The following SLC2A9 variants were observed in gnomAD, a reference collection of about 807,000 sequenced individuals.
SLC2A9 encodes the protein solute carrier family 2, facilitated glucose transporter member 9.
SLC2A9 carries 39 observed loss-of-function variants against 50.6 expected under a neutral mutation model. The ratio of observed to expected loss-of-function variants is 0.77; its 90% CI spans 0.60 to 1.01. The LOEUF (loss-of-function observed/expected upper bound fraction) is 1.01, where lower values mean the gene tolerates loss of function less well. SLC2A9 is among the 50% of genes least tolerant of loss of function. The pLI, the probability that SLC2A9 is intolerant of heterozygous loss-of-function variation, is 0.00. For missense variants in SLC2A9, 686 were observed against 677.6 expected, an observed-to-expected ratio of 1.01 and a Z score of -0.14; for synonymous variants, 324 against 276.9, an observed-to-expected ratio of 1.17 and a Z score of -1.69.
intron 5 of SLC2A9, among the ~76,000 whole-genome samples, chr4:9,946,686 C>T (rs1049146343): frequency 2.0e-5 from 3 of 152,220 alleles, no homozygotes; most frequent in Non-Finnish European, 2.9e-5. Context: ...GTGGGCTCCA[C>T]GTGCCCAGCT....
At chr4:9,781,589 C>A (rs886206991) in intron 3 of SLC2A9, 10 of 149,662 alleles carry the variant, frequency 6.7e-5, no homozygotes, top group African/African-American at 2.5e-4. Context: ...GCTCGGGGGG[C>A]GGGACGCGGG....
At chr4:9,852,054 T>C (rs1730014780) in intron 10 of SLC2A9, among the ~76,000 whole-genome samples, 1 of 152,162 alleles carries the variant, frequency 6.6e-6, no homozygotes, top group Non-Finnish European at 1.5e-5. Flanking sequence ...CCCTGTGAGA[T>C]ACTATATAAG....
At chr4:9,991,929 T>C (rs758955565) in intron 3 of SLC2A9, among the ~76,000 whole-genome samples, 6 of 152,264 alleles carry the variant, frequency 3.9e-5, no homozygotes, top group Non-Finnish European at 8.8e-5. Flanking sequence ...GGCTAACCAA[T>C]GCATGCTTGC....
chr4:9,797,147 C>A (rs1720690315), downstream of SLC2A9, among the ~76,000 whole-genome samples: 1 of 152,192 alleles, frequency 6.6e-6, no homozygotes. Context: ...AGCAGCTCTG[C>A]TCTCTGCTCT....
chr4:9,880,385 T>C, intron 10 of SLC2A9: 2 of 985,204 alleles, frequency 2.0e-6, no homozygotes, highest in Non-Finnish European at 2.4e-6. Context: ...GATTGGGAGG[T>C]GCAGGTGGCC....
rs970173138 is a variant in SLC2A9, at chr4:9,876,098, T to C, written c.1291+11469A>G. Among the ~76,000 whole-genome samples the C allele has an allele frequency of 8.5e-5, 13 of 152,350 alleles. No individual in the cohort carries two copies. The East Asian group carries it at 1.9e-3, about 23-fold the overall frequency. Reference sequence around the variant, plus strand: ...TGGCAAGAAGTCTTAAATATCACAATGGTTTGCAGAGCTGCAAAAGCTTAG... The same window carrying C: ...TGGCAAGAAGTCTTAAATATCACAACGGTTTGCAGAGCTGCAAAAGCTTAG... On this transcript the variant is annotated intron_variant, in intron 10 of 11. Transcript: ENST00000264784.
intron 6 of SLC2A9, among the ~76,000 whole-genome samples, chr4:9,927,401 C>T (rs1458951330): frequency 6.6e-6 from 1 of 152,226 alleles, no homozygotes; most frequent in African/African-American, 2.4e-5. Context: ...TCACCTCCTG[C>T]TAGAGCAAAG....
At chr4:9,778,122 G>A (rs574492175), downstream of SLC2A9, among the ~76,000 whole-genome samples, 41 of 122,878 alleles carry the variant, frequency 3.3e-4, no homozygotes, top group South Asian at 1.9e-3. Context: ...CCTTCTCCCC[G>A]CCTCCCCCGA....
At chr4:9,999,463 G>A (rs1172733820) in intron 2 of SLC2A9, among the ~76,000 whole-genome samples, 1 of 152,114 alleles carries the variant, frequency 6.6e-6, no homozygotes, top group African/African-American at 2.4e-5. Flanking sequence ...CATAATACAT[G>A]CTGCCATTTA....
rs4697907 is a variant in SLC2A9 at position 9,888,274 on chromosome 4, T to C, written c.1216-632A>G. 4.3e-4 allele frequency among the ~76,000 whole-genome samples: 22 copies of C among 50,924 alleles called. No homozygotes were observed. In the East Asian group the frequency reaches 5.5e-3, roughly 13 times the overall value. The allele number at this position is 50,924 out of a possible 152,430, so 33.4% of individuals were successfully genotyped here. On this transcript the variant is annotated intron_variant, in intron 9 of 11. Coordinates refer to ENST00000264784, the MANE Select transcript of SLC2A9 (RefSeq NM_020041.3). ...CCAGAACTTAAAGTATATATATACA[T>C]ATATATATATATATGTATATATATG...
intron 7 of SLC2A9, among the ~76,000 whole-genome samples, chr4:9,919,392 G>A (rs1161001632): frequency 6.6e-6 from 1 of 152,170 alleles, no homozygotes. Flanking sequence ...GTTGAAAGGA[G>A]GTGGAACAAC....
chr4:10,038,506 CAAAAAAAAA>C (rs35698968), intron 1 of SLC2A9, among the ~76,000 whole-genome samples: 1 of 49,446 alleles, frequency 2.0e-5, no homozygotes, highest in African/African-American at 8.8e-5. Context: ...GACTCTGTCT[CAAAAAAAAA>C]AAAAAAAAAA....
At chr4:10,020,947 G>A (rs1763435389) in intron 1 of SLC2A9, among the ~76,000 whole-genome samples, 1 of 152,174 alleles carries the variant, frequency 6.6e-6, no homozygotes, top group Admixed American at 6.5e-5. Context: ...ACTGACCGAC[G>A]GTGCTGCTGC....
intron 3 of SLC2A9, among the ~76,000 whole-genome samples, chr4:9,818,863 C>T (rs1045913021): frequency 1.3e-5 from 2 of 152,098 alleles, no homozygotes; most frequent in African/African-American, 4.8e-5. Context: ...TGGCTCATGC[C>T]TGTAATCCCA....
At chr4:9,971,363 T>C (rs1459570899) in intron 5 of SLC2A9, among the ~76,000 whole-genome samples, 2 of 152,246 alleles carry the variant, frequency 1.3e-5, no homozygotes. Context: ...TTGTACCTAT[T>C]ACTTGTTAAA....
At chr4:9,776,708 G>A (rs531275446), downstream of SLC2A9, among the ~76,000 whole-genome samples, 6 of 152,258 alleles carry the variant, frequency 3.9e-5, no homozygotes, top group South Asian at 6.2e-4. Flanking sequence ...TAGCGTTCTG[G>A]TGTTTCCTGT....
downstream of SLC2A9, among the ~76,000 whole-genome samples, chr4:9,794,872 G>A (rs192105541): frequency 1.6e-4 from 25 of 152,290 alleles, no homozygotes; most frequent in Admixed American, 1.1e-3. Context: ...GGCTACCCAC[G>A]TGGGTGTATG....
intron 3 of SLC2A9, among the ~76,000 whole-genome samples, chr4:9,820,498 A>C (rs944370904): frequency 6.6e-6 from 1 of 152,228 alleles, no homozygotes; most frequent in Admixed American, 6.5e-5. Flanking sequence ...ATTTTGATTG[A>C]GATTGTGGTA....
At chr4:9,925,261 G>A (rs1434339919) in intron 6 of SLC2A9, among the ~76,000 whole-genome samples, 1 of 152,122 alleles carries the variant, frequency 6.6e-6, no homozygotes, top group East Asian at 1.9e-4. Flanking sequence ...ACATCTTTTG[G>A]AGACCTTCCC....
Sources: gnomAD v4.1 joint callset for allele counts (sites outside exome capture counted in the v4.1 genomes callset) on GRCh38, gnomAD v4.1.1 for gene constraint, MANE v1.5 for transcripts, NCBI Gene and HGNC (gene_info 2026-07-23, HGNC 2026-07-21) for gene names.